Variants in PANK2 observed in about 807,000 individuals in gnomAD.
The protein encoded by PANK2 is pantothenate kinase 2.
Under a neutral mutation model 43.1 loss-of-function variants are expected in PANK2, and 36 were observed. The ratio of observed to expected loss-of-function variants is 0.84; its 90% CI spans 0.64 to 1.10. The LOEUF (loss-of-function observed/expected upper bound fraction) is 1.10. PANK2 is among the 50% of genes least tolerant of loss of function. PANK2 has a pLI of 0.00. For missense variants in PANK2, 576 were observed against 593.3 expected (o/e 0.97, Z 0.30); for synonymous variants, 281 against 238.2 (o/e 1.18, Z -1.66).
intron 1 of PANK2, among the ~76,000 whole-genome samples, chr20:3,903,384 G>T (rs2090335119): frequency 6.6e-6 from 1 of 151,062 alleles, no homozygotes. Context: ...CTGACCTCAG[G>T]TGATCCGCCC....
At chr20:3,899,433 A>C (rs2090263691) in intron 1 of PANK2, among the ~76,000 whole-genome samples, 1 of 150,586 alleles carries the variant, frequency 6.6e-6, no homozygotes. Context: ...GGCCTCCCAG[A>C]GTGCTGGGAT....
intron 1 of PANK2, among the ~76,000 whole-genome samples, chr20:3,892,641 A>T (rs1363962323): frequency 7.4e-6 from 1 of 135,148 alleles, no homozygotes; most frequent in Non-Finnish European, 1.5e-5. Context: ...GCGCCACTGC[A>T]CTCCAGCCTG....
Position 3,889,593 on chromosome 20 carries a change from C to A in PANK2, c.163C>A (p.Arg55Ser). Residue 55 changes from arginine to serine, a missense_variant, in exon 1 of 7, where the codon CGC (arginine) becomes AGC (serine). Transcript: ENST00000610179. The stretch of plus-strand genomic sequence containing the variant: ...AGGGCGGCGGCAGGAGCCACTGCGG[C>A]GCCGGGCGAGCAGCGCGTCGGTGCC... 6.7e-7 allele frequency: 1 copy of A among 1,503,204 alleles called. No individual in the cohort carries two copies. The highest frequency in any genetic ancestry group is 8.8e-7 in the Non-Finnish European group (1 of 1,133,294). The allele number at this position is 1,503,204 out of a possible 1,614,324, so 93.1% of individuals were successfully genotyped here.
chr20:3,920,123 A>T (rs2090623652), intron 6 of PANK2, among the ~76,000 whole-genome samples: 1 of 152,060 alleles, frequency 6.6e-6, no homozygotes, highest in African/African-American at 2.4e-5. Context: ...AGAATTTTTT[A>T]AACTCGAATG....
intron 6 of PANK2, among the ~76,000 whole-genome samples, chr20:3,922,673 C>T (rs2090664488): frequency 6.6e-6 from 1 of 152,040 alleles, no homozygotes; most frequent in African/African-American, 2.4e-5. Flanking sequence ...CTCCACACCT[C>T]TTACTCCTGT....
intron 6 of PANK2, among the ~76,000 whole-genome samples, chr20:3,919,056 GC>G (rs1568584938): frequency 6.6e-6 from 1 of 152,036 alleles, no homozygotes; most frequent in African/African-American, 2.4e-5. Flanking sequence ...ACAAGTGTGC[GC>G]CCCCACACCC....
chr20:3,928,243 A>AT lies in PANK2; in HGVS notation c.*4955dup, dbSNP rs988103537. The AT allele has an allele frequency of 1.3e-5, 2 of 152,084 alleles. No individual in the cohort carries two copies. Among genetic ancestry groups the AT allele is most frequent in the African/African-American group, 2.4e-5 (1 of 41,336 alleles). 9.4% of individuals were successfully genotyped at this position (152,084 alleles called of 1,614,324 possible). ...GCCAGAAGAGTGGATGTGATAGAGA[A>AT]TTTTTTCTCAAGTTTTGGGTTAGGG... is the stretch of plus-strand genomic sequence containing the variant. On this transcript the variant is annotated 3_prime_UTR_variant, in exon 7 of 7. Coordinates refer to ENST00000610179, the MANE Select transcript of PANK2 (RefSeq NM_001386393.1).
At chr20:3,913,946 G>A (rs918161707) in intron 4 of PANK2, among the ~76,000 whole-genome samples, 7 of 151,650 alleles carry the variant, frequency 4.6e-5, no homozygotes, top group South Asian at 2.1e-4. Flanking sequence ...CTGCCACCAC[G>A]CCCGGCTATT....
intron 1 of PANK2, among the ~76,000 whole-genome samples, chr20:3,894,204 T>A (rs1410715405): frequency 6.6e-6 from 1 of 151,702 alleles, no homozygotes; most frequent in African/African-American, 2.4e-5. Context: ...GTGCTGGGAT[T>A]ACAGGTGTGA....
intron 1 of PANK2, among the ~76,000 whole-genome samples, chr20:3,899,564 A>G (rs535962340): frequency 6.6e-6 from 1 of 150,620 alleles, no homozygotes; most frequent in East Asian, 1.9e-4. Context: ...ATAATTTTGT[A>G]GGTGTGTGTG....
At chr20:3,889,788 T>G (rs1254987339) in intron 1 of PANK2, 60 bp downstream of exon 1, 1 of 1,527,188 alleles carries the variant, frequency 6.5e-7, no homozygotes, top group African/African-American at 1.4e-5. Context: ...GCCCACCCTG[T>G]CCCCTTCCGG....
Position 3,912,587 on chromosome 20 carries a change from A to T in PANK2, c.1035A>T (p.Gly345=), listed in dbSNP as rs543226338. ...ATAAACTAGTACGAGATATTTATGGAGGGGACTATGAGAGGTTTGGACTGC... is the reference window on the plus strand; with the variant it reads ...ATAAACTAGTACGAGATATTTATGGTGGGGACTATGAGAGGTTTGGACTGC... The change falls in exon 4 of 7, where the codon GGA becomes GGT. Residue 345 remains glycine, a synonymous_variant. Transcript: ENST00000610179. The T allele has an allele frequency of 5.6e-6, 9 of 1,614,028 alleles. No homozygotes were observed. In the Admixed American group the frequency reaches 1.5e-4, roughly 27 times the overall value.
At position 3,889,746 on chromosome 20, in the gene PANK2, C is replaced by T. The variant is rs754959606; in HGVS notation, c.298+18C>T. The T allele has an allele frequency of 2.5e-6, 4 of 1,592,794 alleles. No homozygotes were observed. Among genetic ancestry groups the T allele is most frequent in the Non-Finnish European group, 2.5e-6 (3 of 1,177,872 alleles). On this transcript the variant is annotated intron_variant, in intron 1 of 6. Transcript: ENST00000610179. The stretch of plus-strand genomic sequence containing the variant: ...GCGGCCGCGTAAGTGTTCCGTGGGG[C>T]GCCCTCCCGGCCCGCCCTGCCCCCC...
intron 4 of PANK2, among the ~76,000 whole-genome samples, chr20:3,914,959 A>T (rs1448398949): frequency 1.3e-5 from 2 of 152,180 alleles, no homozygotes; most frequent in African/African-American, 4.8e-5. Context: ...GTCTTTGGAT[A>T]AATGTCTGCT....
chr20:3,898,005 A>C (rs1355872856), intron 1 of PANK2, among the ~76,000 whole-genome samples: 1 of 88,948 alleles, frequency 1.1e-5, no homozygotes, highest in African/African-American at 5.5e-5. Flanking sequence ...ACTCCATCTC[A>C]AAAAAAAAAA....
intron 2 of PANK2, 98 bp from the exon 3 acceptor site, chr20:3,910,479 T>G: frequency 7.3e-7 from 1 of 1,370,940 alleles, no homozygotes; most frequent in Non-Finnish European, 1.0e-6. Flanking sequence ...TGAGTGCACT[T>G]TCATGGTTGT....
At chr20:3,906,455 A>T (rs2090387336) in intron 1 of PANK2, among the ~76,000 whole-genome samples, 1 of 152,082 alleles carries the variant, frequency 6.6e-6, no homozygotes, top group East Asian at 1.9e-4. Flanking sequence ...GTAAGTCAAA[A>T]TGCATTTAAT....
intron 4 of PANK2, among the ~76,000 whole-genome samples, 195 bp from the exon 5 acceptor site, chr20:3,916,732 C>T (rs2090565849): frequency 6.6e-6 from 1 of 152,188 alleles, no homozygotes; most frequent in South Asian, 2.1e-4. Context: ...GCTGTCTGCT[C>T]ATTTAGAATG....
chr20:3,912,345 A>G, intron 3 of PANK2, 113 bp from the exon 4 acceptor site: 1 of 1,146,550 alleles, frequency 8.7e-7, no homozygotes, highest in South Asian at 1.3e-5. Context: ...TACCAGTGGC[A>G]TTTGCATGAT....
Sources: gnomAD v4.1 joint callset for allele counts (sites outside exome capture counted in the v4.1 genomes callset) on GRCh38, gnomAD v4.1.1 for gene constraint, MANE v1.5 for transcripts, NCBI Gene and HGNC (gene_info 2026-07-23, HGNC 2026-07-21) for gene names.